The following AP3D1 variants were observed in gnomAD, a reference collection of about 807,000 sequenced individuals.
AP3D1 encodes the protein AP-3 complex subunit delta-1.
In AP3D1, 51 loss-of-function variants were observed where a neutral mutation model predicts 147.6. The observed-to-expected ratio is 0.35, with a 90% CI of 0.28 to 0.44. The LOEUF is 0.44. Among genes scored for constraint, AP3D1 ranks in the 20% least tolerant of loss-of-function variants. The pLI, the probability that AP3D1 is intolerant of heterozygous loss-of-function variation, is 1.00. For synonymous variants in AP3D1, 760 were observed against 663.0 expected (o/e 1.15, Z -2.25); for missense variants, 1,421 against 1,624.2 (o/e 0.87, Z 2.15).
rs781662752 is a variant in AP3D1 at position 2,138,596 on chromosome 19, G to A, written c.192+23C>T. On this transcript the variant is annotated intron_variant, in intron 2 of 31. Transcript: ENST00000643116. ...GAGAAGCAGCCCGACAGTGCTGGGCGCTGGCCACTGGGAGGCACTTACATA... is the reference window on the plus strand; with the variant it reads ...GAGAAGCAGCCCGACAGTGCTGGGCACTGGCCACTGGGAGGCACTTACATA... 20 of 1,586,938 alleles carry A rather than the reference G, an allele frequency of 1.3e-5. No individual in the cohort carries two copies. In the South Asian group the frequency reaches 1.7e-4, roughly 13 times the overall value.
Position 2,138,733 on chromosome 19 carries a change from A to G in AP3D1, c.97-19T>C. The G allele has an allele frequency of 1.3e-6, 2 of 1,548,178 alleles. No individual in the cohort carries two copies. The highest frequency in any genetic ancestry group is 8.9e-7 in the Non-Finnish European group (1 of 1,123,316). On this transcript the variant is annotated intron_variant, in intron 1 of 31. Transcript: ENST00000643116. Reference sequence around the variant, plus strand: ...ATTTTGCCTATAATGGGGGATAAACACAGAGATTACAAACATCCAGCTAAG... The same window carrying G: ...ATTTTGCCTATAATGGGGGATAAACGCAGAGATTACAAACATCCAGCTAAG...
intron 27 of AP3D1, 74 bp downstream of exon 27, chr19:2,110,633 G>A (rs946596361): frequency 6.5e-5 from 92 of 1,422,346 alleles, no homozygotes; most frequent in Middle Eastern, 2.5e-4. Flanking sequence ...AAGAACCAGC[G>A]GATCCGGGCA....
chr19:2,105,131 G>A (rs1349240234), intron 31 of AP3D1, among the ~76,000 whole-genome samples: 1 of 152,238 alleles, frequency 6.6e-6, no homozygotes, highest in East Asian at 1.9e-4. Flanking sequence ...GCTAGGACGA[G>A]GCAGACTGGT....
chr19:2,140,755 CTTTTTTTTTTT>C (rs71176516), intron 1 of AP3D1, among the ~76,000 whole-genome samples: 4 of 107,214 alleles, frequency 3.7e-5, no homozygotes, highest in South Asian at 3.0e-4. Flanking sequence ...ACACAAACGT[CTTTTTTTTTTT>C]TTTTTTTTTT....
Position 2,109,854 on chromosome 19 carries a change from GA to G in AP3D1, c.3350+18del. 6.2e-7 allele frequency: 1 copy of G among 1,610,080 alleles called. No individual in the cohort carries two copies. Among genetic ancestry groups the G allele is most frequent in the Non-Finnish European group, 8.5e-7 (1 of 1,176,964 alleles). ...GCGGAGGGGGTTCGGGGACATAGGG[GA>G]GTGGGCCTGGGCCCCACCTGTAGCA... On this transcript the variant is annotated intron_variant, in intron 29 of 31. Coordinates refer to ENST00000643116, the MANE Select transcript of AP3D1 (RefSeq NM_001261826.3).
chr19:2,112,250 G>A (rs1369277356), intron 24 of AP3D1: 2 of 218,254 alleles, frequency 9.2e-6, no homozygotes, highest in East Asian at 1.2e-4. Flanking sequence ...ACAGATGAGT[G>A]GGTCAGCACA....
intron 1 of AP3D1, among the ~76,000 whole-genome samples, chr19:2,148,992 G>C (rs2019435358): frequency 6.6e-6 from 1 of 151,982 alleles, no homozygotes; most frequent in African/African-American, 2.4e-5. Context: ...CAAAGTGAGT[G>C]GGGGTGCTGG....
At position 2,116,633 on chromosome 19, in the gene AP3D1, G is replaced by C; in HGVS notation, c.1973C>G (p.Ser658Trp). 1.9e-6 allele frequency: 3 copies of C among 1,601,402 alleles called. No individual in the cohort carries two copies. The highest frequency in any genetic ancestry group is 2.6e-6 in the Non-Finnish European group (3 of 1,174,552). ...EEQRRPKHRP[S>W]EADEEELARR... ...AGCCAGCTCTTCCTCGTCCGCCTCC[G>C]ACGGCCGGTGCTTGGGACGCCGCTG... The change falls in exon 17 of 32, where the codon TCG becomes TGG. Residue 658 changes from serine to tryptophan, a missense_variant. Transcript: ENST00000643116.
chr19:2,123,727 G>A lies in AP3D1; in HGVS notation c.906+103C>T, dbSNP rs918600010. On this transcript the variant is annotated intron_variant, in intron 10 of 31. Transcript: ENST00000643116. ...CCTCCCAAGCCGCAAGATGGCGTGG[G>A]GGGACCAGCACCTTGGTCACAGGGT... 1.4e-5 allele frequency: 19 copies of A among 1,390,274 alleles called. No homozygotes were observed. The African/African-American group carries it at 2.7e-4, about 20-fold the overall frequency. 86.1% of individuals were successfully genotyped at this position (1,390,274 alleles called of 1,614,324 possible).
rs773080557 is a variant in AP3D1 at position 2,115,209 on chromosome 19, C to T, written c.2349+10G>A. ...GACATCCTAGGACCGGGACCTCCAG[C>T]GAGGCTGACCTCAGGCATCTCCTCT... On this transcript the variant is annotated intron_variant, in intron 20 of 31. Coordinates refer to ENST00000643116, the MANE Select transcript of AP3D1 (RefSeq NM_001261826.3). The T allele has an allele frequency of 2.9e-5, 47 of 1,609,734 alleles. No individual in the cohort carries two copies. The highest frequency in any genetic ancestry group is 1.6e-4 in the Middle Eastern group (1 of 6,074).
intron 24 of AP3D1, 88 bp from the exon 25 acceptor site, chr19:2,111,916 C>T (rs555924373): frequency 6.3e-7 from 1 of 1,588,432 alleles, no homozygotes; most frequent in Non-Finnish European, 8.6e-7. Flanking sequence ...AGCAGGGCTG[C>T]TCAGGCTGAG....
At chr19:2,110,957 C>T in intron 26 of AP3D1, 61 bp from the exon 27 acceptor site, 2 of 1,550,118 alleles carry the variant, frequency 1.3e-6, no homozygotes, top group Non-Finnish European at 8.8e-7. Flanking sequence ...CAGGCACAGC[C>T]ACCTGTCTCT....
chr19:2,127,111 C>T (rs1029467125), intron 9 of AP3D1, 41 bp downstream of exon 9: 15 of 1,603,736 alleles, frequency 9.4e-6, no homozygotes, highest in Admixed American at 1.7e-5. Flanking sequence ...CCCAGCCTGG[C>T]AGTGCCAGCC....
At chr19:2,110,684 G>T in intron 27 of AP3D1, 23 bp downstream of exon 27, 2 of 1,563,466 alleles carry the variant, frequency 1.3e-6, no homozygotes, top group Non-Finnish European at 1.7e-6. Flanking sequence ...CCCAGGAGAG[G>T]CCGTGAGTGG....
intron 16 of AP3D1, chr19:2,116,966 G>T: frequency 1.2e-6 from 1 of 810,670 alleles, no homozygotes; most frequent in Non-Finnish European, 1.8e-6. Context: ...CCCACGGCAG[G>T]CTCAGGCTGC....
At chr19:2,138,501 C>T (rs1431543280) in intron 2 of AP3D1, 118 bp downstream of exon 2, 9 of 811,212 alleles carry the variant, frequency 1.1e-5, no homozygotes, top group African/African-American at 1.7e-5. Flanking sequence ...AGTGGCTCAC[C>T]GACAGCAGGT....
At position 2,120,973 on chromosome 19, in the gene AP3D1, G is replaced by C. The variant is rs1356315770; in HGVS notation, c.1370C>G (p.Ser457Cys). Residue 457 changes from serine to cysteine, a missense_variant, in exon 14 of 32, where the codon TCC (serine) becomes TGC (cysteine). By Grantham distance (112) the Ser-to-Cys change is moderately radical. Around this residue, in one of 6 missense-constraint regions of AP3D1, gnomAD observed 310 missense variants for 388.1 expected, o/e 0.80. Coordinates refer to ENST00000643116, the MANE Select transcript of AP3D1 (RefSeq NM_001261826.3). ...RVKAIRKFAV[S>C]QMSALLDSAH... ...ACTGTCAAGCAGCGCAGACATCTGG[G>C]ACACGGCGAACTTGCGGATGGCCTT... The C allele has an allele frequency of 1.2e-6, 2 of 1,612,182 alleles. No homozygotes were observed. The highest frequency in any genetic ancestry group is 4.5e-5 in the East Asian group (2 of 44,884).
chr19:2,111,466 GA>G (rs1568277330), intron 25 of AP3D1, 134 bp from the exon 26 acceptor site: 1 of 1,285,148 alleles, frequency 7.8e-7, no homozygotes, highest in East Asian at 2.5e-5. Flanking sequence ...CAAAGGAGCC[GA>G]TGAGGGATCC....
chr19:2,115,583 T>A lies in AP3D1; in HGVS notation c.2104A>T (p.Ile702Phe). ...GAGAGGTCAATCTGCACCACGGGAATGTGCTCCACGCCCGGGGTGTCCTGG... is the reference window on the plus strand; with the variant it reads ...GAGAGGTCAATCTGCACCACGGGAAAGTGCTCCACGCCCGGGGTGTCCTGG... ...RYQDTPGVEH[I>F]PVVQIDLSVP... Residue 702 changes from isoleucine to phenylalanine, a missense_variant, in exon 19 of 32, where the codon ATT becomes TTT. Physicochemically the swap from Ile to Phe is conservative, Grantham distance 21. Around this residue, in one of 6 missense-constraint regions of AP3D1, gnomAD observed 791 missense variants for 761.4 expected, o/e 1.04. Transcript: ENST00000643116. The A allele has an allele frequency of 6.2e-7, 1 of 1,613,006 alleles. No homozygotes were observed. The highest frequency in any genetic ancestry group is 8.5e-7 in the Non-Finnish European group (1 of 1,179,788).
Sources: allele counts gnomAD v4.1 joint callset (sites outside exome capture counted in the v4.1 genomes callset), GRCh38; gene constraint gnomAD v4.1.1; regional missense constraint gnomAD v4.1.1; transcripts MANE v1.5; gene names NCBI Gene and HGNC (gene_info 2026-07-23, HGNC 2026-07-21).